Variants in TKFC observed in about 807,000 individuals in gnomAD.
TKFC encodes the protein triokinase/FMN cyclase.
TKFC carries 46 observed loss-of-function variants against 61.0 expected under a neutral mutation model. That is an observed-to-expected ratio of 0.75 (90% confidence interval 0.60 to 0.96). TKFC has a LOEUF of 0.96. Ranked by LOEUF, TKFC falls within the 50% of genes least tolerant of loss-of-function variation. The pLI, the probability that TKFC is intolerant of heterozygous loss-of-function variation, is 0.00. For missense variants in TKFC, 715 were observed against 777.5 expected, an observed-to-expected ratio of 0.92 and a Z score of 0.96; for synonymous variants, 314 against 330.1, an observed-to-expected ratio of 0.95 and a Z score of 0.53.
downstream of TKFC, chr11:61,352,719 A>C: frequency 3.0e-6 from 3 of 1,001,624 alleles, no homozygotes; most frequent in African/African-American, 1.6e-5. Flanking sequence ...CCAATGATGT[A>C]GGGTGGTTGA....
At chr11:61,337,852 A>T (rs1856674199) in intron 2 of TKFC, 89 bp from the exon 3 acceptor site, 3 of 1,273,988 alleles carry the variant, frequency 2.4e-6, no homozygotes, top group Non-Finnish European at 2.1e-6. Flanking sequence ...GATGCGGGAG[A>T]GGGGTCTACA....
In TKFC at chr11:61,347,771, A is replaced by T. The variant is rs1313116475; in HGVS notation, c.*1268A>T. Reference sequence around the variant, plus strand: ...AACCCGGCTACAGGAGCTAAGGCCTATTTTTTAGCCCTTTGGGATCTGTAA... The same window carrying T: ...AACCCGGCTACAGGAGCTAAGGCCTTTTTTTTAGCCCTTTGGGATCTGTAA... On this transcript the variant is annotated 3_prime_UTR_variant, in exon 18 of 18. Transcript: ENST00000394900. 4 of 980,500 alleles carry T rather than the reference A, an allele frequency of 4.1e-6. No individual in the cohort carries two copies. The highest frequency in any genetic ancestry group is 3.6e-6 in the Non-Finnish European group (3 of 825,554). 60.7% of individuals were successfully genotyped at this position (980,500 alleles called of 1,614,324 possible). A position where few individuals can be genotyped will look rare whatever the true frequency, so the allele number is the denominator to read the frequency against.
At position 61,347,440 on chromosome 11, in the gene TKFC, G is replaced by C. The variant is rs1857183445; in HGVS notation, c.*937G>C. ...GCCTATAGTCCTAACTTGGGAGGCTGAGTTGGGAGGATGGCTTGGGCCCAG... is the reference window on the plus strand; with the variant it reads ...GCCTATAGTCCTAACTTGGGAGGCTCAGTTGGGAGGATGGCTTGGGCCCAG... On this transcript the variant is annotated 3_prime_UTR_variant, in exon 18 of 18. Transcript: ENST00000394900. 5 of 932,200 alleles carry C rather than the reference G, an allele frequency of 5.4e-6. No homozygotes were observed. The highest frequency in any genetic ancestry group is 6.4e-6 in the Non-Finnish European group (5 of 781,864). 57.7% of individuals were successfully genotyped at this position (932,200 alleles called of 1,614,324 possible).
At chr11:61,350,670 G>A, downstream of TKFC, 1 of 602,040 alleles carries the variant, frequency 1.7e-6, no homozygotes, top group Non-Finnish European at 2.9e-6. Context: ...GGCTGGTAAA[G>A]GAGAAATCAC....
chr11:61,341,628 G>A (rs1258209750), intron 6 of TKFC, 114 bp downstream of exon 6: 10 of 1,315,702 alleles, frequency 7.6e-6, no homozygotes, highest in Admixed American at 2.0e-5. Flanking sequence ...TTCCCCAGGG[G>A]TCTAGGGAGT....
chr11:61,343,513 G>A, intron 11 of TKFC, 55 bp downstream of exon 11: 1 of 1,536,568 alleles, frequency 6.5e-7, no homozygotes, highest in Non-Finnish European at 9.0e-7. Context: ...ACTGGAAGGA[G>A]CCAGGGAGAC....
At position 61,342,841 on chromosome 11, in the gene TKFC, C is replaced by G. The variant is rs774473724; in HGVS notation, c.862C>G (p.Leu288Val). The G allele has an allele frequency of 1.9e-6, 3 of 1,613,974 alleles. No homozygotes were observed. The highest frequency in any genetic ancestry group is 2.2e-5 in the South Asian group (2 of 91,078). The change falls in exon 10 of 18, where the codon CTG (leucine) becomes GTG (valine). Residue 288 changes from leucine to valine, a missense_variant. By Grantham distance (32) the Leu-to-Val change is conservative (BLOSUM62 1). Transcript: ENST00000394900. Reference protein sequence around the residue: ...GIIADATVRSLEGRGVKIARA... With the variant: ...GIIADATVRSVEGRGVKIARA... ...CATAGCCGACGCTACCGTCCGCTCC[C>G]TGGGTGAGCCATGCACTGGGAAGGG...
chr11:61,337,870 A>G, intron 2 of TKFC, 71 bp from the exon 3 acceptor site: 1 of 1,438,284 alleles, frequency 7.0e-7, no homozygotes, highest in Non-Finnish European at 9.3e-7. Flanking sequence ...ACACCACAGC[A>G]GTGTGGCTGC....
rs111388180 is a variant in TKFC at position 61,344,776 on chromosome 11, T to C, written c.1241-484T>C. ...AGGCGAACTTATTCTGTTGTCCTTATTTTTCTCAGTTTACCCAGACCAGTG... is the reference window on the plus strand; with the variant it reads ...AGGCGAACTTATTCTGTTGTCCTTACTTTTCTCAGTTTACCCAGACCAGTG... On this transcript the variant is annotated intron_variant, in intron 13 of 17. Coordinates refer to ENST00000394900, the MANE Select transcript of TKFC (RefSeq NM_015533.4). 3.3e-5 allele frequency among the ~76,000 whole-genome samples: 5 copies of C among 152,362 alleles called. 1 individual carries two copies. Among genetic ancestry groups the C allele is most frequent in the African/African-American group, 1.2e-4 (5 of 41,580 alleles).
intron 3 of TKFC, among the ~76,000 whole-genome samples, 165 bp downstream of exon 3, chr11:61,338,295 G>A (rs1590721099): frequency 6.6e-6 from 1 of 152,162 alleles, no homozygotes; most frequent in Non-Finnish European, 1.5e-5. Context: ...GGCCCATCAC[G>A]GCCTCTCTGA....
chr11:61,349,195 C>A lies in TKFC; in HGVS notation c.*2692C>A, dbSNP rs941235085. The A allele has an allele frequency of 7.9e-6, 2 of 251,588 alleles. No individual in the cohort carries two copies. The highest frequency in any genetic ancestry group is 1.6e-5 in the Non-Finnish European group (2 of 122,776). The allele number at this position is 251,588 out of a possible 1,614,324, so 15.6% of individuals were successfully genotyped here. A position where few individuals can be genotyped will look rare whatever the true frequency, so the allele number is the denominator to read the frequency against. Reference sequence around the variant, plus strand: ...CTTCCCGCTCTCCACCCTATTTCCTCCCCTGAAGAAGAGCAACAGCTCAAG... The same window carrying A: ...CTTCCCGCTCTCCACCCTATTTCCTACCCTGAAGAAGAGCAACAGCTCAAG... On this transcript the variant is annotated 3_prime_UTR_variant, in exon 18 of 18. Transcript: ENST00000394900.
In TKFC at chr11:61,345,730, A is replaced by C; in HGVS notation, c.1470A>C (p.Pro490=). ...CTGCCAGGTATGGCAAGGCTGCTCC[A>C]GGGGACAGGACTATGGTATGTACTC... ...EAMQKYGKAA[P]GDRTMLDSLW... The change falls in exon 16 of 18, where the codon CCA becomes CCC. Residue 490 remains proline, a synonymous_variant. Coordinates refer to ENST00000394900, the MANE Select transcript of TKFC (RefSeq NM_015533.4). 1.9e-6 allele frequency: 3 copies of C among 1,614,254 alleles called. No homozygotes were observed. Among genetic ancestry groups the C allele is most frequent in the Non-Finnish European group, 2.5e-6 (3 of 1,180,050 alleles).
rs981594083 is a variant in TKFC at position 61,339,210 on chromosome 11, G to A, written c.304+34G>A. 4 of 1,612,338 alleles carry A rather than the reference G, an allele frequency of 2.5e-6. No homozygotes were observed. In the African/African-American group the frequency reaches 5.3e-5, roughly 22 times the overall value. On this transcript the variant is annotated intron_variant, in intron 4 of 17. Coordinates refer to ENST00000394900, the MANE Select transcript of TKFC (RefSeq NM_015533.4). ...GGCATGCAGGAGGGGCTGCGGCAGG[G>A]AGGGCACAGTAAGCACACTGAGCCC...
At chr11:61,350,603 A>C (rs537617436), downstream of TKFC, 3 of 719,476 alleles carry the variant, frequency 4.2e-6, no homozygotes, top group African/African-American at 5.3e-5. Flanking sequence ...TCCCATCAAG[A>C]CCTGCTCTGA....
rs568018156 is a variant in TKFC at position 61,344,172 on chromosome 11, G to A, written c.1139G>A (p.Arg380Gln). Residue 380 changes from arginine to glutamine, a missense_variant, in exon 13 of 18, where the codon CGG (arginine) becomes CAG (glutamine). By Grantham distance (43) the Arg-to-Gln change is conservative (BLOSUM62 1). Transcript: ENST00000394900. ...ASKRMALVLE[R>Q]VCSTLLGLEE... is the part of the protein sequence containing the mutation. ...AAGCGGATGGCGCTGGTGCTGGAAC[G>A]GGTGTGCAGCACTCTCCTGGGCCTG... 72 of 1,612,260 alleles carry A rather than the reference G, an allele frequency of 4.5e-5. 1 individual carries two copies. In the Admixed American group the frequency reaches 7.2e-4, roughly 16 times the overall value.
intron 13 of TKFC, 86 bp downstream of exon 13, chr11:61,344,359 CTTTTTT>C (rs56214441): frequency 1.0e-4 from 112 of 1,086,534 alleles, no homozygotes; most frequent in Non-Finnish European, 1.2e-4. Flanking sequence ...AGGGACCTTC[CTTTTTT>C]TTTTTTTTTT....
Position 61,338,119 on chromosome 11 carries a change from C to T in TKFC, c.182C>T (p.Pro61Leu). 6.3e-7 allele frequency: 1 copy of T among 1,594,856 alleles called. No homozygotes were observed. The highest frequency in any genetic ancestry group is 8.5e-7 in the Non-Finnish European group (1 of 1,174,856). ...TCGGGTGGGGGCTCTGGCCATGAGC[C>T]TGCCCATGCTGGTGAGTATCCTGGG... ...LLSGGGSGHEPAHAGFIGKGM... is the reference protein window; with the variant it reads ...LLSGGGSGHELAHAGFIGKGM... The change falls in exon 3 of 18, where the codon CCT becomes CTT. Residue 61 changes from proline to leucine, a missense_variant. Pro to Leu is a moderately conservative substitution (Grantham distance 98). Transcript: ENST00000394900.
intron 1 of TKFC, chr11:61,333,739 A>G (rs1856484342): frequency 6.6e-6 from 1 of 152,154 alleles, no homozygotes. Flanking sequence ...AGGGAACCTT[A>G]ATGAGCCAGG....
rs778750570 is a variant in TKFC, at chr11:61,344,143, C to T, written c.1110C>T (p.Ala370=). 5.6e-6 allele frequency: 9 copies of T among 1,612,136 alleles called. No homozygotes were observed. In the East Asian group the frequency reaches 2.0e-4, roughly 36 times the overall value. ...AGCATCCTCCCTTTCTAGGCTCAGC[C>T]TCGAAGCGGATGGCGCTGGTGCTGG... is the stretch of plus-strand genomic sequence containing the variant. ...APDSTAAGGS[A]SKRMALVLER... is the part of the protein sequence containing the mutation. The change falls in exon 13 of 18, where the codon GCC becomes GCT. Residue 370 remains alanine, a synonymous_variant. Coordinates refer to ENST00000394900, the MANE Select transcript of TKFC (RefSeq NM_015533.4).
Sources: allele counts gnomAD v4.1 joint callset (sites outside exome capture counted in the v4.1 genomes callset), GRCh38; gene constraint gnomAD v4.1.1; transcripts MANE v1.5; gene names NCBI Gene and HGNC (gene_info 2026-07-23, HGNC 2026-07-21).